Variants in ERVFRD-1 observed in about 807,000 individuals in gnomAD.
ERVFRD-1 encodes syncytin-2.
ERVFRD-1 carries 33 observed loss-of-function variants against 43.8 expected under a neutral mutation model. The observed-to-expected ratio is 0.75, with a 90% CI of 0.57 to 1.01. The LOEUF (loss-of-function observed/expected upper bound fraction) is 1.01. Ranked by LOEUF, ERVFRD-1 falls within the 50% of genes least tolerant of loss-of-function variation. The probability of loss-of-function intolerance (pLI) is 0.00; values close to 1 mark genes in which losing one functional copy is unlikely to be tolerated. For synonymous variants in ERVFRD-1, 239 were observed against 244.4 expected (o/e 0.98, Z 0.21); for missense variants, 568 against 658.4 (o/e 0.86, Z 1.50).
Position 11,103,963 on chromosome 6 carries a change from C to T in ERVFRD-1, c.1348G>A (p.Asp450Asn), listed in dbSNP as rs1758040339. ...FWVNQSGKVQ[D>N]NIRQLLNQAS... ...TGATTTAGGAGTTGTCTGATGTTGT[C>T]TTGTACTTTTCCTGATTGATTTACC... The change falls in exon 2 of 2, where the codon GAC (aspartate) becomes AAC (asparagine). Residue 450 changes from aspartate to asparagine, a missense_variant. Coordinates refer to ENST00000472091, the MANE Select transcript of ERVFRD-1 (RefSeq NM_207582.3). 1 of 1,551,562 alleles carries T rather than the reference C, an allele frequency of 6.4e-7. No individual in the cohort carries two copies. Among genetic ancestry groups the T allele is most frequent in the Non-Finnish European group, 8.7e-7 (1 of 1,147,000 alleles).
intron 1 of ERVFRD-1, among the ~76,000 whole-genome samples, chr6:11,106,509 G>A (rs1052688952): frequency 3.9e-5 from 6 of 152,206 alleles, no homozygotes; most frequent in Non-Finnish European, 7.3e-5. Context: ...CTAAAGTGGC[G>A]GGAGTCCTGT....
At position 11,103,894 on chromosome 6, in the gene ERVFRD-1, A is replaced by G; in HGVS notation, c.1417T>C (p.Trp473Arg). The change falls in exon 2 of 2, where the codon TGG (tryptophan) becomes CGG (arginine). Residue 473 changes from tryptophan to arginine, a missense_variant. Transcript: ENST00000472091. ...RERATQGWLN[W>R]EGTWKWFSWV... is the part of the protein sequence containing the mutation. ...GAGAACCATTTCCAAGTTCCTTCCC[A>G]ATTTAACCAACCCTGAGTGGCTCGT... 1 of 1,551,688 alleles carries G rather than the reference A, an allele frequency of 6.4e-7. No homozygotes were observed. Among genetic ancestry groups the G allele is most frequent in the Non-Finnish European group, 8.7e-7 (1 of 1,146,990 alleles).
Position 11,104,310 on chromosome 6 carries a change from G to A in ERVFRD-1, c.1001C>T (p.Ser334Phe), listed in dbSNP as rs771330382. Residue 334 changes from serine to phenylalanine, a missense_variant, in exon 2 of 2, where the codon TCT (serine) becomes TTT (phenylalanine). Physicochemically the swap from Ser to Phe is radical, Grantham distance 155 (BLOSUM62 -2). Transcript: ENST00000472091. ...ATTCCCATAGATTGGTATTGGAAGAGAGAGATTGCCAGGGGCTATGAAGAT... is the reference window on the plus strand; with the variant it reads ...ATTCCCATAGATTGGTATTGGAAGAAAGAGATTGCCAGGGGCTATGAAGAT... ...PDIFIAPGNL[S>F]LPIPIYGNSP... The A allele has an allele frequency of 6.4e-7, 1 of 1,551,742 alleles. No homozygotes were observed. Among genetic ancestry groups the A allele is most frequent in the Non-Finnish European group, 8.7e-7 (1 of 1,146,990 alleles).
At chr6:11,109,550 A>G (rs1328234564) in intron 1 of ERVFRD-1, among the ~76,000 whole-genome samples, 1 of 152,184 alleles carries the variant, frequency 6.6e-6, no homozygotes, top group East Asian at 1.9e-4. Context: ...CTGTTTTACA[A>G]GCCCAACAAA....
chr6:11,109,411 G>A (rs1315405849), intron 1 of ERVFRD-1, among the ~76,000 whole-genome samples: 3 of 152,138 alleles, frequency 2.0e-5, no homozygotes, highest in South Asian at 2.1e-4. Flanking sequence ...CCCTGGGTAG[G>A]GAGGAGAAGG....
At chr6:11,106,536 C>T (rs1010920412) in intron 1 of ERVFRD-1, among the ~76,000 whole-genome samples, 24 of 152,270 alleles carry the variant, frequency 1.6e-4, no homozygotes, top group Admixed American at 9.8e-4. Context: ...TTGATGGTTT[C>T]CATTGGTAGG....
At chr6:11,110,080 TAAAG>T (rs538848144) in intron 1 of ERVFRD-1, among the ~76,000 whole-genome samples, 150 of 152,286 alleles carry the variant, frequency 9.8e-4, no homozygotes, top group African/African-American at 3.3e-3. Flanking sequence ...TACCCGTTTG[TAAAG>T]AAAGAACAGA....
At chr6:11,108,800 G>C (rs1012377972) in intron 1 of ERVFRD-1, among the ~76,000 whole-genome samples, 6 of 152,178 alleles carry the variant, frequency 3.9e-5, no homozygotes, top group African/African-American at 1.4e-4. Context: ...ATCTGGTGTT[G>C]TTTGAGTTAG....
Position 11,105,361 on chromosome 6 carries a change from G to T in ERVFRD-1, c.-51C>A. 1 of 1,407,846 alleles carries T rather than the reference G, an allele frequency of 7.1e-7. No homozygotes were observed. The highest frequency in any genetic ancestry group is 9.8e-7 in the Non-Finnish European group (1 of 1,016,886). 87.2% of individuals were successfully genotyped at this position (1,407,846 alleles called of 1,614,324 possible). Reference sequence around the variant, plus strand: ...AAACGAGCTGCCAATGGAACTCCTGGTGGTGTACAAGTTAGGGTTAAAATA... The same window carrying T: ...AAACGAGCTGCCAATGGAACTCCTGTTGGTGTACAAGTTAGGGTTAAAATA... On this transcript the variant is annotated 5_prime_UTR_variant, in exon 2 of 2. Coordinates refer to ENST00000472091, the MANE Select transcript of ERVFRD-1 (RefSeq NM_207582.3).
intron 1 of ERVFRD-1, among the ~76,000 whole-genome samples, chr6:11,109,475 TG>T (rs1581914350): frequency 6.6e-6 from 1 of 152,134 alleles, no homozygotes; most frequent in East Asian, 1.9e-4. Flanking sequence ...GCTTGAGCTC[TG>T]GGTAAACCTG....
intron 1 of ERVFRD-1, among the ~76,000 whole-genome samples, chr6:11,110,435 GA>G (rs1581914699): frequency 6.6e-6 from 1 of 152,256 alleles, no homozygotes; most frequent in East Asian, 1.9e-4. Context: ...TCTCTTCTCA[GA>G]TTCTCATTTC....
chr6:11,106,210 G>A (rs1758080467), intron 1 of ERVFRD-1, among the ~76,000 whole-genome samples: 1 of 152,188 alleles, frequency 6.6e-6, no homozygotes, highest in Non-Finnish European at 1.5e-5. Flanking sequence ...TACCTCCTGT[G>A]CCTTTTCAGT....
In ERVFRD-1 at chr6:11,105,256, G is replaced by A. The variant is rs1758067894; in HGVS notation, c.55C>T (p.His19Tyr). The A allele has an allele frequency of 6.2e-7, 1 of 1,614,144 alleles. No individual in the cohort carries two copies. Among genetic ancestry groups the A allele is most frequent in the Non-Finnish European group, 8.5e-7 (1 of 1,180,026 alleles). ...ILTPSLAAYRHPDFPLLEKAQ... is the reference protein window; with the variant it reads ...ILTPSLAAYRYPDFPLLEKAQ... ...TTTTCCAATAACGGGAAATCAGGAT[G>A]GCGGTAGGCTGCTAGTGAAGGCGTG... is the stretch of plus-strand genomic sequence containing the variant. The change falls in exon 2 of 2, where the codon CAT becomes TAT. Residue 19 changes from histidine (H) to tyrosine (Y), a missense_variant. Coordinates refer to ENST00000472091, the MANE Select transcript of ERVFRD-1 (RefSeq NM_207582.3).
At chr6:11,107,871 A>G (rs1245702996) in intron 1 of ERVFRD-1, among the ~76,000 whole-genome samples, 1 of 152,226 alleles carries the variant, frequency 6.6e-6, no homozygotes, top group Non-Finnish European at 1.5e-5. Flanking sequence ...CCAGCTGAAG[A>G]GGAAACTGCC....
intron 1 of ERVFRD-1, among the ~76,000 whole-genome samples, chr6:11,108,280 T>G (rs1157905269): frequency 6.6e-6 from 1 of 152,186 alleles, no homozygotes; most frequent in African/African-American, 2.4e-5. Context: ...GCAGCCCTCA[T>G]GTCCAAAAGA....
chr6:11,105,976 C>G (rs989570520), intron 1 of ERVFRD-1, among the ~76,000 whole-genome samples: 10 of 152,086 alleles, frequency 6.6e-5, no homozygotes, highest in Admixed American at 2.6e-4. Flanking sequence ...AGAGGTACAC[C>G]CATGGCTGTG....
At position 11,105,332 on chromosome 6, in the gene ERVFRD-1, C is replaced by A; in HGVS notation, c.-22G>T. On this transcript the variant is annotated 5_prime_UTR_variant, in exon 2 of 2. Coordinates refer to ENST00000472091, the MANE Select transcript of ERVFRD-1 (RefSeq NM_207582.3). ...CCATGGTGACCTAAGAGAAACTGGT[C>A]ACAAAACGAGCTGCCAATGGAACTC... 1.3e-6 allele frequency: 2 copies of A among 1,577,806 alleles called. No individual in the cohort carries two copies. The highest frequency in any genetic ancestry group is 1.1e-5 in the South Asian group (1 of 87,694).
chr6:11,110,356 G>C (rs1758149032), intron 1 of ERVFRD-1, among the ~76,000 whole-genome samples: 2 of 152,208 alleles, frequency 1.3e-5, no homozygotes, highest in African/African-American at 4.8e-5. Context: ...TCCTTGGGCT[G>C]TCCTATATCC....
intron 1 of ERVFRD-1, among the ~76,000 whole-genome samples, chr6:11,108,391 C>T (rs2113647855): frequency 6.6e-6 from 1 of 152,326 alleles, no homozygotes; most frequent in Non-Finnish European, 1.5e-5. Context: ...GGGCCCCCTT[C>T]AGCTCAAGGA....
Sources: gnomAD v4.1 joint callset for allele counts (sites outside exome capture counted in the v4.1 genomes callset) on GRCh38, gnomAD v4.1.1 for gene constraint, MANE v1.5 for transcripts, NCBI Gene and HGNC (gene_info 2026-07-23, HGNC 2026-07-21) for gene names.